The following CAPN3 variants were observed in gnomAD, a reference collection of about 807,000 sequenced individuals.
CAPN3 encodes the protein calpain 3.
In CAPN3, 88 loss-of-function variants were observed where a neutral mutation model predicts 114.0. That is an observed-to-expected ratio of 0.77 (90% confidence interval 0.65 to 0.92). The LOEUF (loss-of-function observed/expected upper bound fraction) is 0.92. Among genes scored for constraint, CAPN3 ranks in the 40% least tolerant of loss-of-function variants. CAPN3 has a pLI of 0.00. For synonymous variants in CAPN3, 386 were observed against 382.9 expected, an observed-to-expected ratio of 1.01 and a Z score of -0.09; for missense variants, 1,028 against 1,069.0, an observed-to-expected ratio of 0.96 and a Z score of 0.53.
At chr15:42,391,337 T>C (rs866289620) in intron 6 of CAPN3, among the ~76,000 whole-genome samples, 1 of 152,100 alleles carries the variant, frequency 6.6e-6, no homozygotes, top group African/African-American at 2.4e-5. Flanking sequence ...TTCCCAGCAG[T>C]AGAATTGCTG....
chr15:42,402,866 T>C lies in CAPN3; in HGVS notation c.1609T>C (p.Tyr537His). The C allele has an allele frequency of 6.2e-7, 1 of 1,614,156 alleles. No individual in the cohort carries two copies. Among genetic ancestry groups the C allele is most frequent in the Non-Finnish European group, 8.5e-7 (1 of 1,180,020 alleles). The change falls in exon 13 of 24, where the codon TAC (tyrosine) becomes CAC (histidine). Residue 537 changes from tyrosine (Y) to histidine (H), a missense_variant. Tyr to His is a moderately conservative substitution (Grantham distance 83). Coordinates refer to ENST00000397163, the MANE Select transcript of CAPN3 (RefSeq NM_000070.3). ...CGCCTCCAAGGCCAGGAGCAAAACC[T>C]ACATCAACATGCGGGAGGTGTCCCA... is the stretch of plus-strand genomic sequence containing the variant. ...YNASKARSKT[Y>H]INMREVSQRF...
Position 42,412,072 on chromosome 15 carries a change from T to C in CAPN3, c.*299T>C. 1 of 1,532,552 alleles carries C rather than the reference T, an allele frequency of 6.5e-7. No homozygotes were observed. The highest frequency in any genetic ancestry group is 8.7e-7 in the Non-Finnish European group (1 of 1,145,516). 94.9% of individuals were successfully genotyped at this position (1,532,552 alleles called of 1,614,324 possible). A position where few individuals can be genotyped will look rare whatever the true frequency, so the allele number is the denominator to read the frequency against. ...TCGGTTCTGAAGCGAGTGCTCCTGCTTACCTTGCTCTAGGCTGTCTGCAGA... is the reference window on the plus strand; with the variant it reads ...TCGGTTCTGAAGCGAGTGCTCCTGCCTACCTTGCTCTAGGCTGTCTGCAGA... On this transcript the variant is annotated 3_prime_UTR_variant, in exon 24 of 24. Coordinates refer to ENST00000397163, the MANE Select transcript of CAPN3 (RefSeq NM_000070.3).
chr15:42,408,135 A>G, intron 15 of CAPN3, 76 bp from the exon 16 acceptor site: 1 of 947,700 alleles, frequency 1.1e-6, no homozygotes, highest in Non-Finnish European at 1.7e-6. Context: ...AGCTGCTCCA[A>G]GAGAGGTGCT....
chr15:42,378,975 T>C (rs2053166390), intron 1 of CAPN3, among the ~76,000 whole-genome samples: 1 of 152,152 alleles, frequency 6.6e-6, no homozygotes, highest in Non-Finnish European at 1.5e-5. Flanking sequence ...TGATTTCGAG[T>C]ATCATTCCAC....
At chr15:42,405,607 C>T (rs1049118725) in intron 14 of CAPN3, among the ~76,000 whole-genome samples, 1 of 152,192 alleles carries the variant, frequency 6.6e-6, no homozygotes, top group Admixed American at 6.5e-5. Flanking sequence ...CCAGCACGCC[C>T]GGCCACCAAT....
chr15:42,411,714 T>C, intron 23 of CAPN3, 33 bp from the exon 24 acceptor site: 3 of 1,006,832 alleles, frequency 3.0e-6, no homozygotes, highest in East Asian at 2.5e-5. Flanking sequence ...CACTCTTTTC[T>C]GATCTACATT....
intron 1 of CAPN3, among the ~76,000 whole-genome samples, chr15:42,368,323 T>G (rs572503408): frequency 4.6e-5 from 7 of 152,338 alleles, no homozygotes; most frequent in Admixed American, 3.9e-4. Context: ...TTTTCTCATT[T>G]CTGTGCTTTT....
At chr15:42,405,398 C>T (rs932076209) in intron 14 of CAPN3, among the ~76,000 whole-genome samples, 3 of 152,146 alleles carry the variant, frequency 2.0e-5, no homozygotes, top group African/African-American at 7.2e-5. Context: ...GCAACCTCCG[C>T]CTCCCGGGTT....
intron 18 of CAPN3, 39 bp downstream of exon 18, chr15:42,409,883 G>GCCCCCC: frequency 8.9e-6 from 5 of 559,512 alleles, no homozygotes; most frequent in Non-Finnish European, 1.4e-5. Context: ...GGTGGGTGGG[G>GCCCCCC]AGTCCCGTTG....
At chr15:42,362,625 A>G (rs1478657396) in intron 1 of CAPN3, among the ~76,000 whole-genome samples, 1 of 152,258 alleles carries the variant, frequency 6.6e-6, no homozygotes, top group African/African-American at 2.4e-5. Flanking sequence ...TCACTAGCAT[A>G]AATGAGAAAT....
chr15:42,392,057 C>T (rs767887723), intron 6 of CAPN3, among the ~76,000 whole-genome samples: 2 of 151,820 alleles, frequency 1.3e-5, no homozygotes, highest in East Asian at 1.9e-4. Flanking sequence ...CCCAGCTACT[C>T]GGGAGGCTGA....
At chr15:42,366,856 C>T (rs1458428329) in intron 1 of CAPN3, among the ~76,000 whole-genome samples, 6 of 119,084 alleles carry the variant, frequency 5.0e-5, no homozygotes, top group African/African-American at 7.6e-5. Flanking sequence ...TTTTTTGAGA[C>T]AGGGTCTCGC....
At chr15:42,407,251 C>T (rs982281559) in intron 15 of CAPN3, among the ~76,000 whole-genome samples, 4 of 152,186 alleles carry the variant, frequency 2.6e-5, no homozygotes, top group Non-Finnish European at 5.9e-5. Context: ...TTCAGTATCT[C>T]ATTTGATCCC....
chr15:42,396,993 G>A, intron 9 of CAPN3, 116 bp downstream of exon 9: 2 of 801,308 alleles, frequency 2.5e-6, no homozygotes, highest in Non-Finnish European at 4.3e-6. Context: ...GATCTGGGCT[G>A]TGTTCTCCTC....
intron 6 of CAPN3, among the ~76,000 whole-genome samples, chr15:42,390,411 G>A (rs2053523502): frequency 6.6e-6 from 1 of 152,098 alleles, no homozygotes; most frequent in South Asian, 2.1e-4. Flanking sequence ...CTCTTCTAAT[G>A]TATTCATTTA....
chr15:42,396,024 AG>A (rs1215064870), intron 8 of CAPN3, among the ~76,000 whole-genome samples: 1 of 152,214 alleles, frequency 6.6e-6, no homozygotes, highest in Non-Finnish European at 1.5e-5. Context: ...CTTTTTCCTT[AG>A]TAAATCAGAG....
At position 42,412,107 on chromosome 15, in the gene CAPN3, C is replaced by T. The variant is rs747198807; in HGVS notation, c.*334C>T. ...CTAGGCTGTCTGCAGAAGCACCTGCCGGTGGCACTCAGCACCTCCTTGTGC... is the reference window on the plus strand; with the variant it reads ...CTAGGCTGTCTGCAGAAGCACCTGCTGGTGGCACTCAGCACCTCCTTGTGC... On this transcript the variant is annotated 3_prime_UTR_variant, in exon 24 of 24. Transcript: ENST00000397163. The T allele has an allele frequency of 2.4e-5, 37 of 1,535,524 alleles. No homozygotes were observed. The highest frequency in any genetic ancestry group is 1.4e-4 in the Admixed American group (7 of 50,950).
chr15:42,396,907 G>C (rs1454265395), intron 9 of CAPN3, 30 bp downstream of exon 9: 3 of 1,506,648 alleles, frequency 2.0e-6, no homozygotes, highest in Admixed American at 3.3e-5. Context: ...AGACCCAGAA[G>C]GGTAAGGGTG....
In CAPN3 at chr15:42,368,664, C is replaced by T. The variant is rs547126395; in HGVS notation, c.309+8550C>T. On this transcript the variant is annotated intron_variant, in intron 1 of 23. Coordinates refer to ENST00000397163, the MANE Select transcript of CAPN3 (RefSeq NM_000070.3). ...GTATTTACTAATACAGTGTTCTCAGCGTTATTATAAAACATAACTACCAAG... is the reference window on the plus strand; with the variant it reads ...GTATTTACTAATACAGTGTTCTCAGTGTTATTATAAAACATAACTACCAAG... 5.3e-5 allele frequency among the ~76,000 whole-genome samples: 8 copies of T among 152,292 alleles called. No homozygotes were observed. In the South Asian group the frequency reaches 6.2e-4, roughly 12 times the overall value.
Sources: allele counts gnomAD v4.1 joint callset (sites outside exome capture counted in the v4.1 genomes callset), GRCh38; gene constraint gnomAD v4.1.1; transcripts MANE v1.5; gene names NCBI Gene and HGNC (gene_info 2026-07-23, HGNC 2026-07-21).